SIK3: variants seen among roughly 807,000 people sequenced by gnomAD.
SIK3 encodes serine/threonine-protein kinase SIK3.
A neutral mutation model predicts 144.2 loss-of-function variants in SIK3; 28 were observed. The observed-to-expected ratio is 0.19, with a 90% CI of 0.14 to 0.27. The LOEUF (loss-of-function observed/expected upper bound fraction) is 0.27. Ranked by LOEUF, SIK3 falls within the 10% of genes least tolerant of loss-of-function variation. The probability of loss-of-function intolerance (pLI) is 1.00; values close to 1 mark genes in which losing one functional copy is unlikely to be tolerated. For synonymous variants in SIK3, 686 were observed against 676.3 expected (o/e 1.01, Z -0.22); for missense variants, 1,319 against 1,776.0 (o/e 0.74, Z 4.62).
intron 4 of SIK3, among the ~76,000 whole-genome samples, chr11:116,914,687 T>G (rs1156569154): frequency 6.6e-6 from 1 of 152,148 alleles, no homozygotes; most frequent in East Asian, 1.9e-4. Flanking sequence ...AGAGGGGCAA[T>G]TGGTATATTC....
chr11:116,880,506 G>A (rs1043598532), intron 6 of SIK3, among the ~76,000 whole-genome samples: 1 of 152,092 alleles, frequency 6.6e-6, no homozygotes, highest in Admixed American at 6.6e-5. Context: ...AATATCGAAC[G>A]TGCCAAGGAA....
intron 4 of SIK3, among the ~76,000 whole-genome samples, chr11:116,916,746 G>A (rs906598403): frequency 2.7e-4 from 41 of 150,434 alleles, no homozygotes; most frequent in Non-Finnish European, 5.5e-4. Context: ...TCCTGACCTC[G>A]TGATCCGCCC....
At chr11:116,976,702 T>C (rs1359311458) in intron 1 of SIK3, among the ~76,000 whole-genome samples, 1 of 152,258 alleles carries the variant, frequency 6.6e-6, no homozygotes, top group Non-Finnish European at 1.5e-5. Context: ...CTACAGGGCC[T>C]AGGACCCAGA....
intron 21 of SIK3, among the ~76,000 whole-genome samples, chr11:116,851,413 T>C (rs1261013513): frequency 6.6e-6 from 1 of 152,182 alleles, no homozygotes; most frequent in Non-Finnish European, 1.5e-5. Context: ...TTCTTGAATG[T>C]TGGGTAAAGG....
chr11:117,080,254 C>G (rs916311562), intron 1 of SIK3, among the ~76,000 whole-genome samples: 3 of 152,068 alleles, frequency 2.0e-5, no homozygotes, highest in African/African-American at 7.2e-5. Flanking sequence ...TTAAAAAGAA[C>G]AGAAAAATCA....
intron 1 of SIK3, among the ~76,000 whole-genome samples, chr11:117,067,094 G>T (rs1488907336): frequency 6.6e-6 from 1 of 152,078 alleles, no homozygotes; most frequent in Non-Finnish European, 1.5e-5. Flanking sequence ...AAATGGTACG[G>T]CAACTTTGGA....
chr11:116,937,404 T>C (rs919502250), intron 3 of SIK3, among the ~76,000 whole-genome samples: 1 of 152,220 alleles, frequency 6.6e-6, no homozygotes, highest in Admixed American at 6.5e-5. Context: ...CAATTCAGAA[T>C]TGAATCAAAT....
At chr11:116,853,488 T>C (rs598503) in intron 21 of SIK3, among the ~76,000 whole-genome samples, 10,914 of 152,196 alleles carry the variant, frequency 0.072, 855 homozygotes, top group African/African-American at 0.19. Context: ...AGTGCACAAA[T>C]GGACACAATG....
intron 1 of SIK3, among the ~76,000 whole-genome samples, chr11:117,094,442 C>T (rs1955382139): frequency 6.6e-6 from 1 of 151,470 alleles, no homozygotes; most frequent in Non-Finnish European, 1.5e-5. Flanking sequence ...CCCATCTCTA[C>T]AAAAAAAATT....
At chr11:117,013,106 C>G (rs1591534436) in intron 1 of SIK3, among the ~76,000 whole-genome samples, 3 of 152,090 alleles carry the variant, frequency 2.0e-5, no homozygotes, top group African/African-American at 7.2e-5. Flanking sequence ...ACTTTTTAAT[C>G]ACCAAAGATA....
Position 117,096,334 on chromosome 11 carries a change from C to G in SIK3, c.273+1809G>C, listed in dbSNP as rs1955468468. Among the ~76,000 whole-genome samples, 3 of 152,084 alleles carry G rather than the reference C, an allele frequency of 2.0e-5. No homozygotes were observed. In the South Asian group the frequency reaches 6.2e-4, roughly 32 times the overall value. On this transcript the variant is annotated intron_variant, in intron 1 of 24. Transcript: ENST00000445177. The stretch of plus-strand genomic sequence containing the variant: ...AATTAAGTTCATGGAGACTATCCCC[C>G]AGAGGTCAGAGCAAAATAACCACAG...
At chr11:116,876,604 G>A (rs186158574) in intron 7 of SIK3, among the ~76,000 whole-genome samples, 2 of 152,312 alleles carry the variant, frequency 1.3e-5, no homozygotes, top group African/African-American at 4.8e-5. Context: ...TGCTACAGAA[G>A]CCACTGAATT....
rs58587995 is a variant in SIK3 at position 116,965,734 on chromosome 11, A to AATATAT, written c.274-8676_274-8671dup. Among the ~76,000 whole-genome samples the AATATAT allele has an allele frequency of 2.3e-3, 271 of 118,168 alleles. 1 individual carries two copies. The highest frequency in any genetic ancestry group is 5.4e-3 in the East Asian group (17 of 3,162). The allele number at this position is 118,168 out of a possible 152,430, so 77.5% of individuals were successfully genotyped here. On this transcript the variant is annotated intron_variant, in intron 1 of 24. Coordinates refer to ENST00000445177, the MANE Select transcript of SIK3 (RefSeq NM_001366686.3). ...CATGGTGAAAACCCGTCTCTGCTAA[A>AATATAT]ATATATATATATATATATATATATA...
intron 1 of SIK3, among the ~76,000 whole-genome samples, chr11:116,973,585 G>A (rs117322649): frequency 1.3e-5 from 2 of 152,154 alleles, no homozygotes; most frequent in South Asian, 2.1e-4. Context: ...CTTCCTTCCA[G>A]ACAGTACATT....
intron 1 of SIK3, among the ~76,000 whole-genome samples, chr11:117,064,402 T>G (rs1414216140): frequency 6.6e-6 from 1 of 152,200 alleles, no homozygotes; most frequent in East Asian, 1.9e-4. Context: ...TTCTTTATTC[T>G]TTGAGATTGC....
At chr11:117,024,557 C>G (rs1355306297) in intron 1 of SIK3, among the ~76,000 whole-genome samples, 2 of 152,104 alleles carry the variant, frequency 1.3e-5, no homozygotes, top group Admixed American at 6.5e-5. Context: ...GTAACACCAC[C>G]AAAGTTAAGG....
intron 22 of SIK3, 140 bp downstream of exon 22, chr11:116,848,980 A>G: frequency 1.0e-6 from 1 of 993,980 alleles, no homozygotes; most frequent in Non-Finnish European, 1.4e-6. Flanking sequence ...AAAAAAAAAG[A>G]AATGCTCCCC....
chr11:116,947,017 A>C (rs1948625839), intron 3 of SIK3, among the ~76,000 whole-genome samples: 1 of 150,570 alleles, frequency 6.6e-6, no homozygotes, highest in South Asian at 2.1e-4. Context: ...TGGGAGACTG[A>C]GGCAGAATGG....
intron 3 of SIK3, among the ~76,000 whole-genome samples, chr11:116,937,462 A>G (rs1947980413): frequency 6.6e-6 from 1 of 152,232 alleles, no homozygotes; most frequent in South Asian, 2.1e-4. Context: ...AAATCAGTAG[A>G]TTACGGTACA....
Sources: allele counts gnomAD v4.1 joint callset (sites outside exome capture counted in the v4.1 genomes callset), GRCh38; gene constraint gnomAD v4.1.1; transcripts MANE v1.5; gene names NCBI Gene and HGNC (gene_info 2026-07-23, HGNC 2026-07-21).